FHIT: variants seen among roughly 807,000 people sequenced by gnomAD.
FHIT encodes the protein fragile histidine triad diadenosine triphosphatase.
A neutral mutation model predicts 17.9 loss-of-function variants in FHIT; 19 were observed. The observed-to-expected ratio is 1.06, with a 90% CI of 0.74 to 1.56. FHIT has a LOEUF of 1.56. Ranked by LOEUF, FHIT falls within the 40% of genes most tolerant of loss-of-function variation. The pLI is 0.00. For missense variants in FHIT, 248 were observed against 189.2 expected (o/e 1.31, Z -1.82); for synonymous variants, 81 against 69.7 (o/e 1.16, Z -0.81).
At chr3:61,043,064 T>C (rs2033600289) in intron 2 of FHIT, among the ~76,000 whole-genome samples, 2 of 152,180 alleles carry the variant, frequency 1.3e-5, no homozygotes, top group Admixed American at 1.3e-4. Context: ...AGGTGATTTC[T>C]GCATTTCCAA....
Position 60,583,000 on chromosome 3 carries a change from T to C in FHIT, c.-17-46021A>G, listed in dbSNP as rs554434769. Among the ~76,000 whole-genome samples the C allele has an allele frequency of 3.3e-5, 5 of 151,968 alleles. No homozygotes were observed. In the South Asian group the frequency reaches 1.0e-3, roughly 32 times the overall value. ...AACCAGCCCTTGCAATCACCAATGA[T>C]ACCGCTTTACTGCTTGAGTGAGAAG... On this transcript the variant is annotated intron_variant, in intron 4 of 9. Transcript: ENST00000492590.
At chr3:60,990,864 A>C (rs2030140567) in intron 3 of FHIT, among the ~76,000 whole-genome samples, 1 of 152,204 alleles carries the variant, frequency 6.6e-6, no homozygotes, top group Non-Finnish European at 1.5e-5. Context: ...TGTCTTATAG[A>C]GTTACACAGA....
intron 3 of FHIT, among the ~76,000 whole-genome samples, chr3:60,975,463 T>C (rs553080756): frequency 2.6e-5 from 4 of 152,162 alleles, no homozygotes; most frequent in Non-Finnish European, 2.9e-5. Flanking sequence ...TCACAACTAA[T>C]CACTGTCTCC....
intron 3 of FHIT, among the ~76,000 whole-genome samples, chr3:60,892,634 T>G (rs1339959660): frequency 6.6e-6 from 1 of 152,220 alleles, no homozygotes; most frequent in African/African-American, 2.4e-5. Context: ...AAATAAATAT[T>G]TGTTGGTCTC....
intron 3 of FHIT, among the ~76,000 whole-genome samples, chr3:60,907,019 A>G (rs1228437212): frequency 3.3e-5 from 5 of 152,170 alleles, no homozygotes; most frequent in African/African-American, 7.2e-5. Context: ...GAAAAACATC[A>G]TTAGGCACAA....
At chr3:60,732,015 A>G (rs1290180104) in intron 4 of FHIT, 2 of 410,340 alleles carry the variant, frequency 4.9e-6, no homozygotes, top group Non-Finnish European at 9.1e-6. Context: ...CAAGGAAAAC[A>G]TGGAACCCAA....
chr3:61,203,045 T>G (rs918355081), intron 1 of FHIT, among the ~76,000 whole-genome samples: 1 of 152,050 alleles, frequency 6.6e-6, no homozygotes, highest in Non-Finnish European at 1.5e-5. Context: ...ATGGGTGTGG[T>G]ACCAGGCGCC....
chr3:60,675,594 C>T (rs2040604857), intron 4 of FHIT, among the ~76,000 whole-genome samples: 1 of 152,194 alleles, frequency 6.6e-6, no homozygotes, highest in African/African-American at 2.4e-5. Context: ...CACAACCAGC[C>T]CTTCCTTGGT....
intron 5 of FHIT, among the ~76,000 whole-genome samples, chr3:60,274,061 G>A (rs1362826526): frequency 6.6e-6 from 1 of 151,990 alleles, no homozygotes; most frequent in Non-Finnish European, 1.5e-5. Context: ...TTCTCCTTAG[G>A]GATGTTACAT....
intron 5 of FHIT, among the ~76,000 whole-genome samples, chr3:60,433,001 A>C (rs1220605990): frequency 6.6e-6 from 1 of 151,938 alleles, no homozygotes; most frequent in Non-Finnish European, 1.5e-5. Context: ...TTAACTGTAC[A>C]CACATTACAC....
At chr3:60,362,645 G>A (rs1306962212) in intron 5 of FHIT, among the ~76,000 whole-genome samples, 1 of 152,152 alleles carries the variant, frequency 6.6e-6, no homozygotes, top group Admixed American at 6.6e-5. Flanking sequence ...TGAGATACAT[G>A]TCCTGTATTT....
At chr3:59,852,832 C>T (rs79536006) in intron 8 of FHIT, among the ~76,000 whole-genome samples, 4 of 152,218 alleles carry the variant, frequency 2.6e-5, no homozygotes, top group Admixed American at 2.0e-4. Context: ...TAAGTTTCCG[C>T]CATGTCTCTT....
intron 4 of FHIT, among the ~76,000 whole-genome samples, chr3:60,598,412 G>T (rs556879762): frequency 6.6e-6 from 1 of 152,236 alleles, no homozygotes; most frequent in African/African-American, 2.4e-5. Context: ...TTCCTAAAAT[G>T]AATAGGGTTA....
intron 3 of FHIT, among the ~76,000 whole-genome samples, chr3:60,919,990 C>T (rs7622539): frequency 0.37 from 55,585 of 151,074 alleles, 10,988 homozygotes; most frequent in South Asian, 0.45. Flanking sequence ...GCCGAGATTG[C>T]ACCACTGCAC....
chr3:60,610,004 C>T (rs1004983963), intron 4 of FHIT, among the ~76,000 whole-genome samples: 2 of 152,280 alleles, frequency 1.3e-5, no homozygotes, highest in East Asian at 1.9e-4. Flanking sequence ...GGTATTTAAT[C>T]GGTTGCTTTA....
At chr3:60,999,742 A>G (rs138179765) in intron 3 of FHIT, among the ~76,000 whole-genome samples, 85 of 152,122 alleles carry the variant, frequency 5.6e-4, no homozygotes, top group African/African-American at 2.0e-3. Flanking sequence ...AGAAGTCCCA[A>G]TGGTAGCTTG....
chr3:61,013,176 AAG>A (rs2031894543), intron 3 of FHIT, among the ~76,000 whole-genome samples: 1 of 152,168 alleles, frequency 6.6e-6, no homozygotes, highest in African/African-American at 2.4e-5. Flanking sequence ...AAAAAGAAAG[AAG>A]AAAAAAAGGA....
At chr3:60,379,636 T>C (rs1230487647) in intron 5 of FHIT, among the ~76,000 whole-genome samples, 5 of 152,208 alleles carry the variant, frequency 3.3e-5, no homozygotes, top group African/African-American at 1.2e-4. Flanking sequence ...ACCTTAAGTA[T>C]TGTTAAGCCA....
chr3:60,445,443 T>C (rs1021038562), intron 5 of FHIT, among the ~76,000 whole-genome samples: 4 of 151,618 alleles, frequency 2.6e-5, no homozygotes, highest in African/African-American at 9.7e-5. Context: ...ACTGCTGTGA[T>C]GGCAAGCTAT....
Sources: gnomAD v4.1 joint callset for allele counts (sites outside exome capture counted in the v4.1 genomes callset) on GRCh38, gnomAD v4.1.1 for gene constraint, MANE v1.5 for transcripts, NCBI Gene and HGNC (gene_info 2026-07-23, HGNC 2026-07-21) for gene names.